Variants in MACROD2 observed in about 807,000 individuals in gnomAD.
MACROD2 encodes the protein mono-ADP ribosylhydrolase 2, also known as ADP-ribose glycohydrolase MACROD2.
In MACROD2, 36 loss-of-function variants were observed where a neutral mutation model predicts 70.4. That is an observed-to-expected ratio of 0.51 (90% CI 0.39 to 0.68). The LOEUF (loss-of-function observed/expected upper bound fraction) is 0.68. Ranked by LOEUF, MACROD2 falls within the 30% of genes least tolerant of loss-of-function variation. The pLI, the probability that MACROD2 is intolerant of heterozygous loss-of-function variation, is 0.00. For missense variants in MACROD2, 496 were observed against 538.4 expected, an observed-to-expected ratio of 0.92 and a Z score of 0.78; for synonymous variants, 172 against 178.8, an observed-to-expected ratio of 0.96 and a Z score of 0.30.
At chr20:14,995,323 T>G (rs1400053559) in intron 5 of MACROD2, among the ~76,000 whole-genome samples, 1 of 152,022 alleles carries the variant, frequency 6.6e-6, no homozygotes, top group East Asian at 1.9e-4. Context: ...CTCAAATAAT[T>G]TTACATATGA....
chr20:14,041,812 ATCTG>A, intron 2 of MACROD2, among the ~76,000 whole-genome samples: 1 of 152,252 alleles, frequency 6.6e-6, no homozygotes, highest in East Asian at 1.9e-4. Flanking sequence ...TTGAAGAAAA[ATCTG>A]TCTGTTCCTC....
chr20:15,473,063 A>G (rs2046980831), intron 7 of MACROD2, among the ~76,000 whole-genome samples: 1 of 152,188 alleles, frequency 6.6e-6, no homozygotes, highest in African/African-American at 2.4e-5. Context: ...TGAACTTTTG[A>G]GCCCCTCCAC....
intron 8 of MACROD2, among the ~76,000 whole-genome samples, chr20:15,659,430 C>T (rs1044302494): frequency 1.4e-5 from 2 of 143,686 alleles, no homozygotes; most frequent in Non-Finnish European, 3.0e-5. Flanking sequence ...TGTCTTTGCT[C>T]TGTGCCCTAC....
intron 3 of MACROD2, among the ~76,000 whole-genome samples, chr20:14,489,226 C>G (rs2084767344): frequency 1.3e-5 from 2 of 152,192 alleles, no homozygotes; most frequent in South Asian, 4.1e-4. Context: ...AAAATCTCCA[C>G]CATTCTGTTG....
chr20:14,409,103 T>G (rs1265720453), intron 3 of MACROD2, among the ~76,000 whole-genome samples: 1 of 152,038 alleles, frequency 6.6e-6, no homozygotes, highest in Non-Finnish European at 1.5e-5. Flanking sequence ...TGGGCTGTCT[T>G]TGCCTGGGCT....
chr20:15,027,342 T>C, intron 5 of MACROD2, among the ~76,000 whole-genome samples: 1 of 152,140 alleles, frequency 6.6e-6, no homozygotes, highest in Non-Finnish European at 1.5e-5. Flanking sequence ...TCTATCAGAT[T>C]TGATTTTGGT....
At chr20:14,339,733 A>C (rs1415192416) in intron 3 of MACROD2, among the ~76,000 whole-genome samples, 5 of 152,246 alleles carry the variant, frequency 3.3e-5, no homozygotes, top group Admixed American at 3.3e-4. Context: ...TAAAGGCAGC[A>C]AGGATTTATT....
intron 4 of MACROD2, among the ~76,000 whole-genome samples, chr20:14,528,963 C>T (rs1001720300): frequency 2.0e-5 from 3 of 152,096 alleles, no homozygotes; most frequent in Non-Finnish European, 4.4e-5. Flanking sequence ...GTATCTTTTC[C>T]TCCCATGCCT....
intron 3 of MACROD2, among the ~76,000 whole-genome samples, chr20:14,406,523 A>G (rs2083692700): frequency 1.3e-5 from 2 of 152,060 alleles, no homozygotes; most frequent in Non-Finnish European, 2.9e-5. Context: ...ATATACAGAA[A>G]CTGTTTGAGA....
intron 3 of MACROD2, among the ~76,000 whole-genome samples, chr20:14,481,023 A>T (rs988695749): frequency 6.6e-6 from 1 of 152,152 alleles, no homozygotes; most frequent in African/African-American, 2.4e-5. Flanking sequence ...TATGATGAAG[A>T]TTCTCTATTT....
intron 5 of MACROD2, among the ~76,000 whole-genome samples, chr20:14,742,088 A>C (rs1001646986): frequency 6.6e-6 from 1 of 152,134 alleles, no homozygotes; most frequent in African/African-American, 2.4e-5. Flanking sequence ...ACGTTCTTTA[A>C]ATTTTGTGCT....
intron 5 of MACROD2, among the ~76,000 whole-genome samples, chr20:15,070,522 A>G (rs1262928905): frequency 6.6e-6 from 1 of 151,900 alleles, no homozygotes; most frequent in African/African-American, 2.4e-5. Flanking sequence ...TCTAGTGGGG[A>G]GTGTTTAGCT....
chr20:14,020,300 C>G (rs1267986807), intron 2 of MACROD2, among the ~76,000 whole-genome samples: 1 of 152,046 alleles, frequency 6.6e-6, no homozygotes, highest in African/African-American at 2.4e-5. Context: ...CGGAGAAACC[C>G]CGTCCCTACT....
chr20:15,372,527 A>G (rs539960840), intron 6 of MACROD2, among the ~76,000 whole-genome samples: 1 of 152,180 alleles, frequency 6.6e-6, no homozygotes, highest in Admixed American at 6.5e-5. Flanking sequence ...CTTTGTGTTC[A>G]TTGCTCATTT....
intron 5 of MACROD2, among the ~76,000 whole-genome samples, chr20:15,115,574 A>C (rs2075986052): frequency 6.6e-6 from 1 of 152,124 alleles, no homozygotes; most frequent in Non-Finnish European, 1.5e-5. Flanking sequence ...TTACCCAAAC[A>C]TGCAGGGTTT....
At chr20:14,038,752 A>G (rs1419394576) in intron 2 of MACROD2, among the ~76,000 whole-genome samples, 2 of 152,200 alleles carry the variant, frequency 1.3e-5, no homozygotes, top group Non-Finnish European at 2.9e-5. Context: ...AACTTTGCTA[A>G]TAATCACTGA....
At chr20:14,493,720 T>TTCC in intron 4 of MACROD2, 2 of 416,282 alleles carry the variant, frequency 4.8e-6, no homozygotes, top group Admixed American at 3.8e-5. Context: ...TACAGTACTC[T>TTCC]TGTCAAACTT....
chr20:14,811,879 T>C (rs878931064), intron 5 of MACROD2, among the ~76,000 whole-genome samples: 1 of 152,112 alleles, frequency 6.6e-6, no homozygotes, highest in African/African-American at 2.4e-5. Context: ...CACAATGAGA[T>C]ACCATCTTGC....
intron 3 of MACROD2, among the ~76,000 whole-genome samples, chr20:14,490,112 G>A (rs1018044139): frequency 6.6e-6 from 1 of 152,010 alleles, no homozygotes; most frequent in Non-Finnish European, 1.5e-5. Flanking sequence ...TCCAGGAAAG[G>A]GATTCCTATA....
Sources: allele counts gnomAD v4.1 joint callset (sites outside exome capture counted in the v4.1 genomes callset), GRCh38; gene constraint gnomAD v4.1.1; transcripts MANE v1.5; gene names NCBI Gene and HGNC (gene_info 2026-07-23, HGNC 2026-07-21).